USP7: variants seen among roughly 807,000 people sequenced by gnomAD.
USP7 encodes the protein ubiquitin C-terminal hydrolase 7.
USP7 carries 9 observed loss-of-function variants against 162.9 expected under a neutral mutation model. That is an observed-to-expected ratio of 0.06 (90% confidence interval 0.03 to 0.10). The LOEUF (loss-of-function observed/expected upper bound fraction) is 0.10, where lower values mean the gene tolerates loss of function less well. USP7 is among the 10% of genes least tolerant of loss of function. USP7 has a pLI of 1.00. For synonymous variants in USP7, 562 were observed against 475.9 expected, an observed-to-expected ratio of 1.18 and a Z score of -2.35; for missense variants, 715 against 1,373.7, an observed-to-expected ratio of 0.52 and a Z score of 7.58.
At chr16:8,931,544 C>A (rs1898341624) in intron 1 of USP7, among the ~76,000 whole-genome samples, 2 of 152,316 alleles carry the variant, frequency 1.3e-5, no homozygotes, top group East Asian at 1.9e-4. Flanking sequence ...ATGTAAAGAT[C>A]CGGGAAAGTG....
chr16:8,953,218 T>C (rs1899639381), intron 1 of USP7, among the ~76,000 whole-genome samples: 1 of 152,250 alleles, frequency 6.6e-6, no homozygotes, highest in Middle Eastern at 3.4e-3. Flanking sequence ...AAGCCAGTCC[T>C]GTCTCTCCTA....
At chr16:8,895,497 T>C in intron 27 of USP7, 145 bp downstream of exon 27, 1 of 779,130 alleles carries the variant, frequency 1.3e-6, no homozygotes, top group African/African-American at 1.8e-5. Flanking sequence ...AAAAACACTG[T>C]AGGTCCACTC....
chr16:8,929,175 C>G (rs921254940), intron 2 of USP7, among the ~76,000 whole-genome samples: 6 of 152,342 alleles, frequency 3.9e-5, no homozygotes, highest in African/African-American at 1.2e-4. Context: ...CCCAAACGCA[C>G]ACCTAGCGCC....
At chr16:8,895,839 GTTTT>G (rs34586799) in intron 26 of USP7, 98 bp from the exon 27 acceptor site, 1,571 of 535,226 alleles carry the variant, frequency 2.9e-3, no homozygotes, top group East Asian at 4.4e-3. Flanking sequence ...ACCACGATAT[GTTTT>G]TTTTTTTTTT....
At chr16:8,897,508 T>A (rs557571750) in intron 25 of USP7, among the ~76,000 whole-genome samples, 66 of 151,658 alleles carry the variant, frequency 4.4e-4, no homozygotes, top group African/African-American at 1.5e-3. Context: ...GCTATTTATG[T>A]CTCGAATTTT....
rs939406747 is a variant in USP7, at chr16:8,901,891, CG to C, written c.2047+190del. 1.2e-5 allele frequency: 7 copies of C among 596,810 alleles called. No homozygotes were observed. In the African/African-American group the frequency reaches 1.3e-4, roughly 11 times the overall value. 37.0% of individuals were successfully genotyped at this position (596,810 alleles called of 1,614,324 possible). A position where few individuals can be genotyped will look rare whatever the true frequency, so the allele number is the denominator to read the frequency against. ...GGCCCCACGTGGCTGCTACTGTCTC[CG>C]GGCCTCACAGGAAACTCGCAGCCAA... On this transcript the variant is annotated intron_variant, in intron 18 of 30. Coordinates refer to ENST00000344836, the MANE Select transcript of USP7 (RefSeq NM_003470.3).
Position 8,917,402 on chromosome 16 carries a change from G to A in USP7, c.721-246C>T, listed in dbSNP as rs573684725. Among the ~76,000 whole-genome samples, 5 of 152,298 alleles carry A rather than the reference G, an allele frequency of 3.3e-5. No individual in the cohort carries two copies. The East Asian group carries it at 7.7e-4, about 23-fold the overall frequency. ...TTGAAAATCACCACCCACGTGACAC[G>A]AAGTCTCACTCTGTTGGCCAGGCTG... is the stretch of plus-strand genomic sequence containing the variant. On this transcript the variant is annotated intron_variant, in intron 6 of 30. Coordinates refer to ENST00000344836, the MANE Select transcript of USP7 (RefSeq NM_003470.3).
intron 1 of USP7, among the ~76,000 whole-genome samples, chr16:8,962,047 G>A (rs145638450): frequency 6.6e-6 from 1 of 152,108 alleles, no homozygotes; most frequent in African/African-American, 2.4e-5. Flanking sequence ...CTATTCAGAG[G>A]TGAACACCAG....
chr16:8,928,988 C>T (rs1396418162), intron 2 of USP7, among the ~76,000 whole-genome samples: 2 of 151,002 alleles, frequency 1.3e-5, no homozygotes, highest in African/African-American at 4.9e-5. Flanking sequence ...TCCAAGTTGC[C>T]ATGAGAAGCT....
In USP7 at chr16:8,921,145, ACT is replaced by A. The variant is rs1478108646; in HGVS notation, c.522+10_522+11del. ...TGCACCAATTGTTCAGACTAAATAC[ACT>A]GTTACTTACACTCCAGGCCATAAAA... On this transcript the variant is annotated intron_variant, in intron 4 of 30. Transcript: ENST00000344836. The A allele has an allele frequency of 4.3e-6, 7 of 1,613,036 alleles. No individual in the cohort carries two copies. The Admixed American group carries it at 5.0e-5, about 12-fold the overall frequency.
At chr16:8,930,235 G>C (rs1284013026) in intron 2 of USP7, 58 bp downstream of exon 2, 1 of 1,372,382 alleles carries the variant, frequency 7.3e-7, no homozygotes, top group Non-Finnish European at 1.0e-6. Context: ...GCATGGATCT[G>C]AACCTGTTTT....
At chr16:8,946,155 A>C (rs917677707) in intron 1 of USP7, among the ~76,000 whole-genome samples, 1 of 152,248 alleles carries the variant, frequency 6.6e-6, no homozygotes, top group African/African-American at 2.4e-5. Flanking sequence ...CACCTTATAC[A>C]AAAGGTAGCT....
intron 2 of USP7, chr16:8,929,556 C>T (rs1436835178): frequency 4.4e-6 from 2 of 455,940 alleles, no homozygotes; most frequent in African/African-American, 4.0e-5. Flanking sequence ...GGGAAGGACA[C>T]AACCCTCATG....
chr16:8,907,009 A>C (rs898579761), intron 12 of USP7, among the ~76,000 whole-genome samples: 1 of 152,222 alleles, frequency 6.6e-6, no homozygotes, highest in Non-Finnish European at 1.5e-5. Context: ...TACTTGACCA[A>C]ATTTCACCAT....
chr16:8,904,375 G>C (rs1232551820), intron 15 of USP7, 60 bp downstream of exon 15: 1 of 1,597,170 alleles, frequency 6.3e-7, no homozygotes, highest in Non-Finnish European at 8.5e-7. Context: ...CTGCACTTGT[G>C]TATAGAGATG....
intron 5 of USP7, among the ~76,000 whole-genome samples, chr16:8,919,371 G>A (rs1386044551): frequency 2.0e-5 from 3 of 152,068 alleles, no homozygotes; most frequent in Non-Finnish European, 4.4e-5. Context: ...TGCTGACAGT[G>A]GCACTCCTGT....
intron 26 of USP7, among the ~76,000 whole-genome samples, chr16:8,896,772 C>A (rs1305975512): frequency 6.6e-6 from 1 of 152,208 alleles, no homozygotes; most frequent in Non-Finnish European, 1.5e-5. Flanking sequence ...TAACCCTCTG[C>A]ACCACAGCGG....
intron 23 of USP7, 46 bp from the exon 24 acceptor site, chr16:8,898,685 T>TA: frequency 6.9e-7 from 1 of 1,441,276 alleles, no homozygotes; most frequent in Non-Finnish European, 9.4e-7. Context: ...TTTATTTGCC[T>TA]AAAAACAAAT....
chr16:8,904,993 A>G (rs2061837698), intron 14 of USP7, among the ~76,000 whole-genome samples, 194 bp downstream of exon 14: 1 of 152,088 alleles, frequency 6.6e-6, no homozygotes, highest in Non-Finnish European at 1.5e-5. Flanking sequence ...AAAATAATCT[A>G]TTAACATGAA....
Sources: allele counts gnomAD v4.1 joint callset (sites outside exome capture counted in the v4.1 genomes callset), GRCh38; gene constraint gnomAD v4.1.1; transcripts MANE v1.5; gene names NCBI Gene and HGNC (gene_info 2026-07-23, HGNC 2026-07-21).